Variants in TGFBR2 observed in about 807,000 individuals in gnomAD.
TGFBR2 encodes transforming growth factor beta receptor 2, also known as TGF-beta receptor type-2.
Under a neutral mutation model 49.0 loss-of-function variants are expected in TGFBR2, and 18 were observed. The ratio of observed to expected loss-of-function variants is 0.37; its 90% confidence interval spans 0.25 to 0.54. The LOEUF (loss-of-function observed/expected upper bound fraction) is 0.54, where lower values mean the gene tolerates loss of function less well. Ranked by LOEUF, TGFBR2 falls within the 20% of genes least tolerant of loss-of-function variation. The pLI is 0.85. For synonymous variants in TGFBR2, 282 were observed against 275.9 expected (o/e 1.02, Z -0.22); for missense variants, 525 against 722.6 (o/e 0.73, Z 3.13).
chr3:30,657,734 C>T (rs569865650), intron 3 of TGFBR2, among the ~76,000 whole-genome samples: 8 of 152,250 alleles, frequency 5.3e-5, no homozygotes, highest in African/African-American at 1.7e-4. Flanking sequence ...TTTGTACCAA[C>T]GTCATGTATT....
At position 30,644,767 on chromosome 3, in the gene TGFBR2, A is replaced by T. The variant is rs780280433; in HGVS notation, c.115A>T (p.Thr39Ser). The T allele has an allele frequency of 1.9e-5, 31 of 1,614,040 alleles. No homozygotes were observed. The Admixed American group carries it at 5.2e-4, about 27-fold the overall frequency. Residue 39 changes from threonine (T) to serine (S), a missense_variant, in exon 2 of 7, where the codon ACT (threonine) becomes TCT (serine). Transcript: ENST00000295754. ...CTCAGTTAATAACGACATGATAGTC[A>T]CTGACAACAACGGTGCAGTCAAGTT... ...QKSVNNDMIV[T>S]DNNGAVKFPQ... is the part of the protein sequence containing the mutation.
At chr3:30,661,621 A>C (rs1404346406) in intron 3 of TGFBR2, 8 of 514,706 alleles carry the variant, frequency 1.6e-5, no homozygotes, top group Admixed American at 5.9e-5. Flanking sequence ...TCATGTGATG[A>C]AGACCCCAGG....
At chr3:30,634,912 A>T (rs1285481988) in intron 1 of TGFBR2, among the ~76,000 whole-genome samples, 1 of 152,186 alleles carries the variant, frequency 6.6e-6, no homozygotes, top group African/African-American at 2.4e-5. Flanking sequence ...ATTTGCATTT[A>T]TATGGCTTAA....
At chr3:30,631,949 T>C (rs573677522) in intron 1 of TGFBR2, among the ~76,000 whole-genome samples, 9 of 152,240 alleles carry the variant, frequency 5.9e-5, no homozygotes, top group African/African-American at 2.2e-4. Context: ...TATAGCAATG[T>C]TTTATAATTA....
At position 30,633,174 on chromosome 3, in the gene TGFBR2, A is replaced by T. The variant is rs556256578; in HGVS notation, c.95-11573A>T. ...CTTTTATTTGCTTTCTCTCATTGAT[A>T]TGATATGATAAGTTATTTCATCTCT... On this transcript the variant is annotated intron_variant, in intron 1 of 6. Transcript: ENST00000295754. Among the ~76,000 whole-genome samples, 8 of 152,308 alleles carry T rather than the reference A, an allele frequency of 5.3e-5. No individual in the cohort carries two copies. In the South Asian group the frequency reaches 1.7e-3, roughly 32 times the overall value.
chr3:30,622,879 CAAAAAAAAAAAAAAAA>C (rs10575244), intron 1 of TGFBR2, among the ~76,000 whole-genome samples: 1 of 75,626 alleles, frequency 1.3e-5, no homozygotes, highest in African/African-American at 5.3e-5. Context: ...GACTTTGTCT[CAAAAAAAAAAAAAAAA>C]AAAAAAAAAA....
intron 1 of TGFBR2, among the ~76,000 whole-genome samples, chr3:30,627,562 A>G (rs1056856011): frequency 1.3e-5 from 2 of 151,922 alleles, no homozygotes; most frequent in South Asian, 2.1e-4. Context: ...TGAAATTGGG[A>G]AAAATTATGT....
chr3:30,648,823 T>C (rs891592), intron 2 of TGFBR2, among the ~76,000 whole-genome samples: 21,839 of 152,090 alleles, frequency 0.14, 1,799 homozygotes, highest in East Asian at 0.38. Flanking sequence ...CCTGCCTGGA[T>C]TGTCCTAACC....
At chr3:30,681,330 T>C (rs1169538231) in intron 5 of TGFBR2, among the ~76,000 whole-genome samples, 1 of 152,050 alleles carries the variant, frequency 6.6e-6, no homozygotes, top group Non-Finnish European at 1.5e-5. Context: ...AAAGCAGATA[T>C]GAAAACTCGG....
intron 5 of TGFBR2, among the ~76,000 whole-genome samples, chr3:30,677,998 GT>G (rs1169026460): frequency 6.6e-6 from 1 of 152,190 alleles, no homozygotes; most frequent in Non-Finnish European, 1.5e-5. Context: ...GCAGTTTGCA[GT>G]ATAGCAGATG....
At chr3:30,648,460 A>ACACACCCC (rs1553627538) in intron 2 of TGFBR2, among the ~76,000 whole-genome samples, 19 of 142,384 alleles carry the variant, frequency 1.3e-4, no homozygotes, top group African/African-American at 2.9e-4. Context: ...ACACACACAC[A>ACACACCCC]CAAAACTGTG....
intron 1 of TGFBR2, among the ~76,000 whole-genome samples, chr3:30,607,616 A>G (rs557042836): frequency 3.3e-5 from 5 of 151,866 alleles, no homozygotes; most frequent in Admixed American, 2.0e-4. Context: ...AGAATCCCTC[A>G]CTGAATGCCT....
At chr3:30,652,974 T>G (rs1698922489) in intron 3 of TGFBR2, among the ~76,000 whole-genome samples, 1 of 152,206 alleles carries the variant, frequency 6.6e-6, no homozygotes, top group Non-Finnish European at 1.5e-5. Flanking sequence ...CTCTTATTTA[T>G]TCTCAGACTT....
At chr3:30,610,003 T>C (rs1022267000) in intron 1 of TGFBR2, among the ~76,000 whole-genome samples, 3 of 152,226 alleles carry the variant, frequency 2.0e-5, no homozygotes, top group African/African-American at 4.8e-5. Flanking sequence ...TTCTACTCAG[T>C]TATGAACATG....
chr3:30,680,447 C>T (rs4955189), intron 5 of TGFBR2, among the ~76,000 whole-genome samples: 52,278 of 151,914 alleles, frequency 0.34, 9,362 homozygotes, highest in Admixed American at 0.44. Context: ...CCTATTGTGT[C>T]GCAGGCATTG....
chr3:30,660,935 T>C (rs1699111520), intron 3 of TGFBR2, among the ~76,000 whole-genome samples: 1 of 152,138 alleles, frequency 6.6e-6, no homozygotes, highest in Admixed American at 6.5e-5. Context: ...TGGGAAGGAA[T>C]TGCAGAAGCC....
At chr3:30,621,275 A>AT (rs141117724) in intron 1 of TGFBR2, among the ~76,000 whole-genome samples, 2 of 75,938 alleles carry the variant, frequency 2.6e-5, no homozygotes, top group South Asian at 4.2e-4. Context: ...GAATTTTAAT[A>AT]TTCTTTTTTT....
chr3:30,682,661 C>T (rs777005395), intron 5 of TGFBR2, among the ~76,000 whole-genome samples: 35 of 152,206 alleles, frequency 2.3e-4, no homozygotes, highest in Non-Finnish European at 4.3e-4. Context: ...ACCTCACCTC[C>T]ACCACCAGTC....
chr3:30,627,830 A>G (rs1340030404), intron 1 of TGFBR2, among the ~76,000 whole-genome samples: 2 of 152,088 alleles, frequency 1.3e-5, no homozygotes, highest in African/African-American at 4.8e-5. Context: ...TTGAATTTAA[A>G]TAGCCACAGG....
Sources: allele counts gnomAD v4.1 joint callset (sites outside exome capture counted in the v4.1 genomes callset), GRCh38; gene constraint gnomAD v4.1.1; transcripts MANE v1.5; gene names NCBI Gene and HGNC (gene_info 2026-07-23, HGNC 2026-07-21).